Variants in PKHD1L1 observed in about 807,000 individuals in gnomAD.
PKHD1L1 encodes fibrocystin-L.
Under a neutral mutation model 462.9 loss-of-function variants are expected in PKHD1L1, and 434 were observed. The observed-to-expected ratio is 0.94, with a 90% CI of 0.87 to 1.02. The LOEUF (loss-of-function observed/expected upper bound fraction) is 1.02. PKHD1L1 is among the 50% of genes least tolerant of loss of function. The pLI is 0.00. For missense variants in PKHD1L1, 5,202 were observed against 5,096.1 expected (o/e 1.02, Z -0.63); for synonymous variants, 1,781 against 1,750.0 (o/e 1.02, Z -0.44).
At chr8:109,441,833 C>T (rs1362603654) in intron 34 of PKHD1L1, among the ~76,000 whole-genome samples, 174 bp from the exon 35 acceptor site, 1 of 151,792 alleles carries the variant, frequency 6.6e-6, no homozygotes, top group African/African-American at 2.4e-5. Flanking sequence ...TATTACCTTG[C>T]TTTCCATTAT....
At position 109,475,105 on chromosome 8, in the gene PKHD1L1, T is replaced by C. The variant is rs375476703; in HGVS notation, c.8606-13T>C. Reference sequence around the variant, plus strand: ...AGATTACTATTATTTTCTTGTTCTATGTTCTCCTATAGGCACAAGCATTAT... The same window carrying C: ...AGATTACTATTATTTTCTTGTTCTACGTTCTCCTATAGGCACAAGCATTAT... On this transcript the variant is annotated splice_polypyrimidine_tract_variant and intron_variant, in intron 50 of 77. Transcript: ENST00000378402. The C allele has an allele frequency of 1.3e-6, 2 of 1,587,902 alleles. No homozygotes were observed. The highest frequency in any genetic ancestry group is 1.4e-5 in the African/African-American group (1 of 73,758).
chr8:109,409,875 C>A lies in PKHD1L1; in HGVS notation c.1982C>A (p.Ala661Glu). 6.3e-7 allele frequency: 1 copy of A among 1,575,092 alleles called. No homozygotes were observed. The highest frequency in any genetic ancestry group is 8.6e-7 in the Non-Finnish European group (1 of 1,161,360). Residue 661 changes from alanine (A) to glutamate (E), a missense_variant, in exon 19 of 78, where the codon GCA (alanine) becomes GAA (glutamate). Ala to Glu is a moderately radical substitution (Grantham distance 107, BLOSUM62 -1). Around this residue, in one of 3 missense-constraint regions of PKHD1L1, gnomAD observed 4,497 missense variants for 4,336.8 expected, o/e 1.04. Transcript: ENST00000378402. ...ATATTGTTAATTTAGTTTCAGGGAG[C>A]AGTGGAAGAAATGGTTAGCACTAAG... ...LWSSEAEFQGAVEEMVSTKCP... is the reference protein window; with the variant it reads ...LWSSEAEFQGEVEEMVSTKCP...
chr8:109,522,339 T>C lies in PKHD1L1; in HGVS notation c.12183+2T>C. The C allele has an allele frequency of 1.3e-6, 2 of 1,543,352 alleles. No individual in the cohort carries two copies. The highest frequency in any genetic ancestry group is 1.7e-6 in the Non-Finnish European group (2 of 1,149,698). On this transcript the variant is annotated splice_donor_variant, in intron 74 of 77. Transcript: ENST00000378402. LOFTEE classifies it high-confidence loss of function. ...CCAAGTGACTCTGGGTGGATTAAGG[T>C]AAGAAAATGCAACTAGAAAAAATGC...
chr8:109,502,128 G>A (rs1819450148), intron 67 of PKHD1L1, among the ~76,000 whole-genome samples: 1 of 151,928 alleles, frequency 6.6e-6, no homozygotes, highest in Admixed American at 6.6e-5. Flanking sequence ...AAATGCATTG[G>A]AATTATGTAA....
intron 41 of PKHD1L1, among the ~76,000 whole-genome samples, chr8:109,451,751 G>A (rs1402794713): frequency 6.6e-6 from 1 of 152,138 alleles, no homozygotes; most frequent in African/African-American, 2.4e-5. Flanking sequence ...TTATCTGGAG[G>A]TTAAGTTCTA....
At chr8:109,375,348 C>T (rs1811756585) in intron 2 of PKHD1L1, among the ~76,000 whole-genome samples, 1 of 152,274 alleles carries the variant, frequency 6.6e-6, no homozygotes, top group East Asian at 1.9e-4. Context: ...GTTTTCAGCT[C>T]CATCAGGTCC....
chr8:109,504,552 C>T, intron 68 of PKHD1L1, 60 bp downstream of exon 68: 1 of 1,057,280 alleles, frequency 9.5e-7, no homozygotes, highest in South Asian at 2.0e-5. Context: ...TCACTTCCTC[C>T]TGCTCAAGAT....
At chr8:109,462,888 C>A (rs1817218838) in intron 48 of PKHD1L1, among the ~76,000 whole-genome samples, 1 of 152,164 alleles carries the variant, frequency 6.6e-6, no homozygotes, top group Non-Finnish European at 1.5e-5. Flanking sequence ...CAAATACTTG[C>A]ATGGCTGACA....
In PKHD1L1 at chr8:109,459,592, C is replaced by A; in HGVS notation, c.7005-3C>A. 6.7e-7 allele frequency: 1 copy of A among 1,491,052 alleles called. No homozygotes were observed. The highest frequency in any genetic ancestry group is 1.4e-5 in the South Asian group (1 of 71,594). The allele number at this position is 1,491,052 out of a possible 1,614,324, so 92.4% of individuals were successfully genotyped here. Reference sequence around the variant, plus strand: ...TAAAATTTTTTTGTCAAAATTTTTACAGACACAGTCAAGGAGAGAATGAAA... The same window carrying A: ...TAAAATTTTTTTGTCAAAATTTTTAAAGACACAGTCAAGGAGAGAATGAAA... On this transcript the variant is annotated splice_polypyrimidine_tract_variant and splice_region_variant and intron_variant, in intron 46 of 77. Coordinates refer to ENST00000378402, the MANE Select transcript of PKHD1L1 (RefSeq NM_177531.6).
intron 56 of PKHD1L1, among the ~76,000 whole-genome samples, chr8:109,482,717 T>C (rs1255178758): frequency 6.6e-6 from 1 of 151,722 alleles, no homozygotes; most frequent in Non-Finnish European, 1.5e-5. Flanking sequence ...TTAATTCCAG[T>C]TTCCTTGTGT....
At chr8:109,415,711 T>A (rs1261531272) in intron 21 of PKHD1L1, among the ~76,000 whole-genome samples, 1 of 151,994 alleles carries the variant, frequency 6.6e-6, no homozygotes, top group Admixed American at 6.6e-5. Context: ...TAGCTGGGCA[T>A]GGTGGTGCAC....
Position 109,492,300 on chromosome 8 carries a change from C to A in PKHD1L1, c.10236+306C>A, listed in dbSNP as rs185340733. On this transcript the variant is annotated intron_variant, in intron 62 of 77. Coordinates refer to ENST00000378402, the MANE Select transcript of PKHD1L1 (RefSeq NM_177531.6). ...TTTCCTCCCTAAAAATGAAAATAGACAATGGAATCTCTAAAATTATTTTCT... is the reference window on the plus strand; with the variant it reads ...TTTCCTCCCTAAAAATGAAAATAGAAAATGGAATCTCTAAAATTATTTTCT... 2.2e-4 allele frequency among the ~76,000 whole-genome samples: 33 copies of A among 151,792 alleles called. 1 individual carries two copies. The highest frequency in any genetic ancestry group is 2.1e-3 in the Admixed American group (32 of 15,200).
At chr8:109,511,057 C>T in intron 71 of PKHD1L1, 123 bp downstream of exon 71, 2 of 1,093,558 alleles carry the variant, frequency 1.8e-6, no homozygotes, top group East Asian at 5.0e-5. Context: ...TCCAAGGATG[C>T]ATCAGGGTAC....
intron 47 of PKHD1L1, among the ~76,000 whole-genome samples, chr8:109,461,013 G>A (rs1176705884): frequency 6.6e-6 from 1 of 152,174 alleles, no homozygotes; most frequent in Non-Finnish European, 1.5e-5. Context: ...TGAAGAGAGT[G>A]AGTTAGTGCA....
rs1367495389 is a variant in PKHD1L1 at position 109,444,995 on chromosome 8, C to T, written c.5126C>T (p.Ala1709Val). The T allele has an allele frequency of 6.2e-7, 1 of 1,613,788 alleles. No homozygotes were observed. Among genetic ancestry groups the T allele is most frequent in the Middle Eastern group, 1.6e-4 (1 of 6,084 alleles). ...AAAGTTCTATCAGTGAATTATACGG[C>T]CATTGAATGTGAAACATCCCCTGCT... ...PCKVLSVNYT[A>V]IECETSPAAQ... Residue 1709 changes from alanine to valine, a missense_variant, in exon 38 of 78, where the codon GCC (alanine) becomes GTC (valine). Physicochemically the swap from Ala to Val is moderately conservative, Grantham distance 64. Transcript: ENST00000378402.
In PKHD1L1 at chr8:109,454,195, C is replaced by T. The variant is rs775766419; in HGVS notation, c.6693C>T (p.Asp2231=). The change falls in exon 44 of 78, where the codon GAC becomes GAT. Residue 2231 remains aspartate, a synonymous_variant. Transcript: ENST00000378402. ...QGGTLIFDEA[D]IELQAENILI... ...GGACTCTAATATTTGATGAAGCTGA[C>T]ATTGAACTCCAGGCAGAAAATATTC... The T allele has an allele frequency of 2.7e-5, 44 of 1,607,934 alleles. No homozygotes were observed. The highest frequency in any genetic ancestry group is 7.8e-5 in the South Asian group (7 of 89,604).
In PKHD1L1 at chr8:109,464,797, T is replaced by C. The variant is rs1388674078; in HGVS notation, c.7965T>C (p.Asn2655=). Residue 2655 remains asparagine (N), a synonymous_variant, in exon 49 of 78, where the codon AAT becomes AAC. Coordinates refer to ENST00000378402, the MANE Select transcript of PKHD1L1 (RefSeq NM_177531.6). Reference sequence around the variant, plus strand: ...TATTTAACTCACTTACTACTTGGAATTGTCAAAAAGGAGCTGAATGGGTCA... The same window carrying C: ...TATTTAACTCACTTACTACTTGGAACTGTCAAAAAGGAGCTGAATGGGTCA... ...PAIFNSLTTW[N]CQKGAEWVNG... is the part of the protein sequence containing the mutation. The C allele has an allele frequency of 1.2e-6, 2 of 1,613,682 alleles. No individual in the cohort carries two copies. Among genetic ancestry groups the C allele is most frequent in the African/African-American group, 2.7e-5 (2 of 74,898 alleles).
intron 2 of PKHD1L1, among the ~76,000 whole-genome samples, chr8:109,365,076 T>C (rs913265391): frequency 2.0e-5 from 3 of 152,206 alleles, no homozygotes; most frequent in Non-Finnish European, 2.9e-5. Flanking sequence ...TTTAGATTCC[T>C]TCTCCTGCCA....
At chr8:109,374,877 G>A (rs1209597501) in intron 2 of PKHD1L1, among the ~76,000 whole-genome samples, 6 of 152,206 alleles carry the variant, frequency 3.9e-5, no homozygotes, top group Admixed American at 2.6e-4. Flanking sequence ...TCAGCTGTTA[G>A]TCTGATGGGC....
Sources: allele counts gnomAD v4.1 joint callset (sites outside exome capture counted in the v4.1 genomes callset), GRCh38; gene constraint gnomAD v4.1.1; regional missense constraint gnomAD v4.1.1; transcripts MANE v1.5; gene names NCBI Gene and HGNC (gene_info 2026-07-23, HGNC 2026-07-21).